The following DOCK2 variants were observed in gnomAD, a reference collection of about 807,000 sequenced individuals.
The protein encoded by DOCK2 is dedicator of cytokinesis 2.
DOCK2 carries 87 observed loss-of-function variants against 248.9 expected under a neutral mutation model. That is an observed-to-expected ratio of 0.35 (90% confidence interval 0.29 to 0.42). The LOEUF is 0.42. DOCK2 is among the 10% of genes least tolerant of loss of function. The probability of loss-of-function intolerance (pLI) is 1.00; values close to 1 mark genes in which losing one functional copy is unlikely to be tolerated. For synonymous variants in DOCK2, 805 were observed against 821.6 expected (o/e 0.98, Z 0.35); for missense variants, 1,747 against 2,300.2 (o/e 0.76, Z 4.92).
chr5:169,949,128 T>A (rs1213340483), intron 27 of DOCK2, among the ~76,000 whole-genome samples: 1 of 152,218 alleles, frequency 6.6e-6, no homozygotes, highest in Non-Finnish European at 1.5e-5. Flanking sequence ...TTCCTTGGCA[T>A]CTTTTTGAAT....
At chr5:170,056,819 C>A in intron 43 of DOCK2, 51 bp downstream of exon 43, 1 of 1,537,966 alleles carries the variant, frequency 6.5e-7, no homozygotes, top group East Asian at 2.3e-5. Context: ...CTGGAGGAAC[C>A]AGAGCATGCA....
At position 169,701,599 on chromosome 5, in the gene DOCK2, C is replaced by T. The variant is rs142545662; in HGVS notation, c.1259-704C>T. Reference sequence around the variant, plus strand: ...GTTTGACCTCAGCTCACTGCAGCCTCTGCCTCCCAGGCTCAAGCAATCCTC... The same window carrying T: ...GTTTGACCTCAGCTCACTGCAGCCTTTGCCTCCCAGGCTCAAGCAATCCTC... On this transcript the variant is annotated intron_variant, in intron 13 of 51. Transcript: ENST00000520908. Among the ~76,000 whole-genome samples, 826 of 152,172 alleles carry T rather than the reference C, an allele frequency of 5.4e-3. 5 individuals carry two copies. Among genetic ancestry groups the T allele is most frequent in the African/African-American group, 0.019 (795 of 41,512 alleles).
intron 27 of DOCK2, among the ~76,000 whole-genome samples, chr5:169,899,765 G>T (rs1273302009): frequency 6.6e-6 from 1 of 152,150 alleles, no homozygotes; most frequent in Non-Finnish European, 1.5e-5. Context: ...CATAACACAT[G>T]AATTTCCCCA....
chr5:169,925,980 GC>G (rs1775429257), intron 27 of DOCK2, among the ~76,000 whole-genome samples: 1 of 152,154 alleles, frequency 6.6e-6, no homozygotes, highest in South Asian at 2.1e-4. Flanking sequence ...ATAACTGTGT[GC>G]CCAGGAGCTC....
In DOCK2 at chr5:169,745,603, C is replaced by T. The variant is rs574636622; in HGVS notation, c.2268-1793C>T. On this transcript the variant is annotated intron_variant, in intron 22 of 51. Transcript: ENST00000520908. ...CCAGTTTTGAATTCTGGCTCTGACA[C>T]TCACTGGCCTGGTGTTTTCTGGCAT... Among the ~76,000 whole-genome samples the T allele has an allele frequency of 2.0e-5, 3 of 152,318 alleles. No homozygotes were observed. The South Asian group carries it at 6.2e-4, about 32-fold the overall frequency.
At chr5:170,019,825 A>T (rs1440319919) in intron 33 of DOCK2, among the ~76,000 whole-genome samples, 1 of 152,020 alleles carries the variant, frequency 6.6e-6, no homozygotes, top group African/African-American at 2.4e-5. Context: ...TTGGTCTTTA[A>T]GTCCCATCAA....
chr5:169,931,279 A>T (rs1230043171), intron 27 of DOCK2, among the ~76,000 whole-genome samples: 2 of 152,248 alleles, frequency 1.3e-5, no homozygotes, highest in African/African-American at 2.4e-5. Flanking sequence ...AACCCAGCCC[A>T]GTTGCTGACA....
At chr5:169,910,242 G>C (rs1774518112) in intron 27 of DOCK2, among the ~76,000 whole-genome samples, 1 of 152,172 alleles carries the variant, frequency 6.6e-6, no homozygotes, top group Non-Finnish European at 1.5e-5. Flanking sequence ...TTTCATGTTA[G>C]AAGTGGCCAT....
At chr5:169,696,967 A>C (rs574458370) in intron 10 of DOCK2, among the ~76,000 whole-genome samples, 1 of 152,096 alleles carries the variant, frequency 6.6e-6, no homozygotes. Flanking sequence ...CTACTGCTCT[A>C]AAATGCTCTG....
chr5:169,637,778 C>G (rs1303645057), intron 1 of DOCK2, among the ~76,000 whole-genome samples: 25 of 152,212 alleles, frequency 1.6e-4, no homozygotes, highest in South Asian at 1.2e-3. Flanking sequence ...ACTTCCACCC[C>G]CTCCAAAGCG....
chr5:169,655,123 C>G (rs1758030121), intron 2 of DOCK2, among the ~76,000 whole-genome samples: 1 of 152,188 alleles, frequency 6.6e-6, no homozygotes, highest in Admixed American at 6.5e-5. Context: ...AGTTGGAAAT[C>G]AACATGTCAT....
chr5:169,863,521 A>G (rs985138521), intron 27 of DOCK2, among the ~76,000 whole-genome samples: 5 of 152,246 alleles, frequency 3.3e-5, no homozygotes, highest in African/African-American at 9.6e-5. Flanking sequence ...GAGAAGAAGC[A>G]TGATGGTTTA....
intron 23 of DOCK2, among the ~76,000 whole-genome samples, chr5:169,749,303 A>G (rs989345487): frequency 6.6e-6 from 1 of 152,196 alleles, no homozygotes; most frequent in Non-Finnish European, 1.5e-5. Context: ...AGAAACCAGC[A>G]TAATCTGGCC....
At chr5:169,880,718 A>G (rs1207331448) in intron 27 of DOCK2, among the ~76,000 whole-genome samples, 1 of 152,200 alleles carries the variant, frequency 6.6e-6, no homozygotes, top group Non-Finnish European at 1.5e-5. Flanking sequence ...CTATTCAGAT[A>G]AGGAAAGTGA....
intron 47 of DOCK2, 35 bp from the exon 48 acceptor site, chr5:170,077,675 C>T (rs1224227730): frequency 1.2e-6 from 2 of 1,611,228 alleles, no homozygotes; most frequent in East Asian, 4.5e-5. Flanking sequence ...CTTCCCCAGG[C>T]TACAGCTGCT....
At chr5:169,754,864 C>T (rs1268002891) in intron 23 of DOCK2, among the ~76,000 whole-genome samples, 1 of 152,020 alleles carries the variant, frequency 6.6e-6, no homozygotes, top group Non-Finnish European at 1.5e-5. Context: ...TAAATGAGAT[C>T]ATGCATGTAA....
intron 27 of DOCK2, among the ~76,000 whole-genome samples, chr5:169,846,162 G>A (rs1270461443): frequency 2.0e-5 from 3 of 152,138 alleles, no homozygotes; most frequent in South Asian, 2.1e-4. Context: ...TAAATGTCAA[G>A]TACTTTTGAA....
chr5:169,674,604 C>T (rs544475548), intron 6 of DOCK2, among the ~76,000 whole-genome samples, 159 bp downstream of exon 6: 38 of 152,150 alleles, frequency 2.5e-4, no homozygotes, highest in Non-Finnish European at 4.4e-4. Context: ...CCGTTGTTAC[C>T]ACCCCTGGGG....
Position 169,716,360 on chromosome 5 carries a change from G to A in DOCK2, c.2031+58G>A, listed in dbSNP as rs1040299962. 3.2e-6 allele frequency: 5 copies of A among 1,555,182 alleles called. No individual in the cohort carries two copies. The African/African-American group carries it at 6.8e-5, about 21-fold the overall frequency. ...CAGGCATTAATGTATGTCTTACTGT[G>A]AAAATACTGAGAACTCATGGCCCTC... is the stretch of plus-strand genomic sequence containing the variant. On this transcript the variant is annotated intron_variant, in intron 20 of 51. Coordinates refer to ENST00000520908, the MANE Select transcript of DOCK2 (RefSeq NM_004946.3).
Sources: allele counts gnomAD v4.1 joint callset (sites outside exome capture counted in the v4.1 genomes callset), GRCh38; gene constraint gnomAD v4.1.1; transcripts MANE v1.5; gene names NCBI Gene and HGNC (gene_info 2026-07-23, HGNC 2026-07-21).